ABR: variants seen among roughly 807,000 people sequenced by gnomAD.
ABR encodes ABR activator of RhoGEF and GTPase, also known as active breakpoint cluster region-related protein.
Under a neutral mutation model 107.2 loss-of-function variants are expected in ABR, and 35 were observed. The ratio of observed to expected loss-of-function variants is 0.33; its 90% CI spans 0.25 to 0.43. ABR has a LOEUF of 0.43. Among genes scored for constraint, ABR ranks in the 20% least tolerant of loss-of-function variants. The pLI is 1.00. For missense variants in ABR, 815 were observed against 1,115.2 expected (o/e 0.73, Z 3.83); for synonymous variants, 498 against 462.0 (o/e 1.08, Z -1.00).
At chr17:1,213,848 A>C (rs1264972146) in intron 1 of ABR, among the ~76,000 whole-genome samples, 1 of 152,158 alleles carries the variant, frequency 6.6e-6, no homozygotes, top group Non-Finnish European at 1.5e-5. Context: ...AAAACAAGGC[A>C]GTCTAAGGTG....
At chr17:1,211,049 G>C (rs952645407) in intron 1 of ABR, among the ~76,000 whole-genome samples, 1 of 152,182 alleles carries the variant, frequency 6.6e-6, no homozygotes, top group African/African-American at 2.4e-5. Context: ...GGAGGCCAAG[G>C]CGGACGGATC....
chr17:1,089,766 C>A (rs1436387829), intron 4 of ABR, among the ~76,000 whole-genome samples: 1 of 152,212 alleles, frequency 6.6e-6, no homozygotes, highest in Non-Finnish European at 1.5e-5. Flanking sequence ...TCGAGACCAG[C>A]CTGGCCGACA....
In ABR at chr17:1,125,510, G is replaced by A. The variant is rs748317767; in HGVS notation, c.62-143C>T. 78 of 760,660 alleles carry A rather than the reference G, an allele frequency of 1.0e-4. No individual in the cohort carries two copies. In the Admixed American group the frequency reaches 2.7e-3, roughly 27 times the overall value. The allele number at this position is 760,660 out of a possible 1,614,324, so 47.1% of individuals were successfully genotyped here. On this transcript the variant is annotated intron_variant, in intron 1 of 22. Transcript: ENST00000302538. ...CGCCTGGCCCGGGCGGGGGCTGTGC[G>A]GGGGCCTGGGCCTGGTGAGGGGCGG...
At chr17:1,057,308 TTGTGTGTGTGTGTGTGTGTGTGTGTGTG>T (rs750525310) in intron 12 of ABR, among the ~76,000 whole-genome samples, 1,117 of 68,026 alleles carry the variant, frequency 0.016, 18 homozygotes, top group South Asian at 0.047. Context: ...CTGAAGAGGT[TTGTGTGTGTGTGTGTGTGTGTGTGTGTG>T]TGTGTGTGTG....
chr17:1,159,959 T>C (rs1253320814), intron 1 of ABR, among the ~76,000 whole-genome samples: 6 of 152,186 alleles, frequency 3.9e-5, no homozygotes, highest in Non-Finnish European at 8.8e-5. Context: ...GGCCCTGAAC[T>C]GCAGGCCTCA....
chr17:1,196,204 C>T lies in ABR; in HGVS notation c.838+32589G>A, dbSNP rs546446542. Reference sequence around the variant, plus strand: ...CGGCACTTTGGGAGGCCGAGGCAGGCGGATCACCTGAGGTCAGGAGTTCAA... The same window carrying T: ...CGGCACTTTGGGAGGCCGAGGCAGGTGGATCACCTGAGGTCAGGAGTTCAA... On this transcript the variant is annotated intron_variant, in intron 1 of 22. Transcript: ENST00000574139. Among the ~76,000 whole-genome samples the T allele has an allele frequency of 3.1e-4, 46 of 146,198 alleles. 1 individual carries two copies. The highest frequency in any genetic ancestry group is 7.4e-4 in the African/African-American group (28 of 37,698).
chr17:1,040,501 TGCTATG>T lies in ABR; in HGVS notation c.1791+9543_1791+9548del, dbSNP rs570951448. Among the ~76,000 whole-genome samples, 11 of 152,320 alleles carry T rather than the reference TGCTATG, an allele frequency of 7.2e-5. No homozygotes were observed. The East Asian group carries it at 2.1e-3, about 29-fold the overall frequency. ...GCCCCAGCCTTGACTTCCCCGCCCC[TGCTATG>T]AGGTTGGTTCAGCAAAGCCAGTCTG... On this transcript the variant is annotated intron_variant, in intron 16 of 22. Transcript: ENST00000302538.
chr17:1,101,689 G>A (rs1184678549), intron 2 of ABR, among the ~76,000 whole-genome samples: 1 of 151,074 alleles, frequency 6.6e-6, no homozygotes, highest in Non-Finnish European at 1.5e-5. Context: ...AGTGGCCCCT[G>A]TTCTCAAGTG....
intron 1 of ABR, among the ~76,000 whole-genome samples, chr17:1,155,498 G>T (rs145687244): frequency 8.6e-5 from 13 of 151,806 alleles, no homozygotes; most frequent in Middle Eastern, 3.4e-3. Context: ...CTTGGCAAAG[G>T]ATTCTTACAT....
intron 1 of ABR, among the ~76,000 whole-genome samples, chr17:1,139,238 G>A (rs1168492871): frequency 6.6e-6 from 1 of 152,070 alleles, no homozygotes; most frequent in Non-Finnish European, 1.5e-5. Context: ...AAAAAAAAGA[G>A]GTTTTTTTTG....
At chr17:1,100,952 T>C (rs765568955) in intron 2 of ABR, 7 of 572,538 alleles carry the variant, frequency 1.2e-5, no homozygotes, top group Non-Finnish European at 2.2e-5. Context: ...GCCTCCCGAG[T>C]AGCTGGGATT....
intron 1 of ABR, among the ~76,000 whole-genome samples, chr17:1,159,276 A>G (rs1242974623): frequency 0.031 from 1,922 of 61,986 alleles, 74 homozygotes; most frequent in African/African-American, 0.063. Context: ...CGGTACTCAC[A>G]CACGGGAGAG....
intron 16 of ABR, among the ~76,000 whole-genome samples, chr17:1,048,486 C>T (rs1190211848): frequency 6.6e-6 from 1 of 152,264 alleles, no homozygotes; most frequent in African/African-American, 2.4e-5. Context: ...TAAAAAGCAT[C>T]GTTCAGCTCC....
chr17:1,107,325 G>A (rs926815352), intron 2 of ABR, among the ~76,000 whole-genome samples: 1 of 152,254 alleles, frequency 6.6e-6, no homozygotes, highest in Non-Finnish European at 1.5e-5. Flanking sequence ...GTGGGCCCCA[G>A]CGGGCCTCAC....
chr17:1,125,614 C>A (rs2039565243), intron 1 of ABR: 1 of 365,464 alleles, frequency 2.7e-6, no homozygotes, highest in Non-Finnish European at 4.8e-6. Context: ...CTGTTGCTAC[C>A]CGATGAAGAG....
At chr17:1,062,229 G>C (rs1166677319) in intron 10 of ABR, among the ~76,000 whole-genome samples, 90 of 150,632 alleles carry the variant, frequency 6.0e-4, no homozygotes, top group Non-Finnish European at 8.6e-4. Flanking sequence ...TGTTCCTCTA[G>C]ACGCTGCTGT....
At chr17:1,065,678 G>T (rs989560968) in intron 10 of ABR, among the ~76,000 whole-genome samples, 13 of 151,614 alleles carry the variant, frequency 8.6e-5, no homozygotes, top group Non-Finnish European at 1.5e-4. Flanking sequence ...TAAACAGTTT[G>T]CAGTTCTCAT....
At chr17:1,199,820 T>C (rs1264948839) in intron 1 of ABR, among the ~76,000 whole-genome samples, 1 of 152,150 alleles carries the variant, frequency 6.6e-6, no homozygotes, top group Admixed American at 6.5e-5. Flanking sequence ...GCCAGAATTT[T>C]AAAAACTTTT....
intron 10 of ABR, among the ~76,000 whole-genome samples, chr17:1,061,720 T>G (rs1189058474): frequency 1.3e-5 from 2 of 152,104 alleles, no homozygotes; most frequent in Non-Finnish European, 2.9e-5. Context: ...CTAACTTTTG[T>G]ATTTTTCATA....
Sources: gnomAD v4.1 joint callset for allele counts (sites outside exome capture counted in the v4.1 genomes callset) on GRCh38, gnomAD v4.1.1 for gene constraint, MANE v1.5 for transcripts, NCBI Gene and HGNC (gene_info 2026-07-23, HGNC 2026-07-21) for gene names.